BRIX1: variants seen among roughly 807,000 people sequenced by gnomAD.
BRIX1 encodes ribosome biogenesis protein BRX1 homolog.
Under a neutral mutation model 44.0 loss-of-function variants are expected in BRIX1, and 15 were observed. The ratio of observed to expected loss-of-function variants is 0.34; its 90% confidence interval spans 0.23 to 0.53. BRIX1 has a LOEUF of 0.53. BRIX1 is among the 20% of genes least tolerant of loss of function. BRIX1 has a pLI of 0.95. For synonymous variants in BRIX1, 149 were observed against 135.4 expected (o/e 1.10, Z -0.70); for missense variants, 420 against 432.8 (o/e 0.97, Z 0.26).
chr5:34,922,187 C>T (rs1170528352), intron 3 of BRIX1, 30 bp from the exon 4 acceptor site: 1 of 1,267,286 alleles, frequency 7.9e-7, no homozygotes, highest in South Asian at 1.3e-5. Flanking sequence ...ATATTATCTA[C>T]TTCATTTTCC....
intron 1 of BRIX1, 105 bp downstream of exon 1, chr5:34,916,002 G>T: frequency 7.5e-7 from 1 of 1,339,618 alleles, no homozygotes; most frequent in Non-Finnish European, 9.9e-7. Context: ...AGTAGCCCGG[G>T]TGTTAACGGT....
At position 34,923,246 on chromosome 5, in the gene BRIX1, T is replaced by G; in HGVS notation, c.663+12T>G. The G allele has an allele frequency of 6.5e-7, 1 of 1,548,402 alleles. No homozygotes were observed. The highest frequency in any genetic ancestry group is 1.4e-5 in the African/African-American group (1 of 73,534). On this transcript the variant is annotated intron_variant, in intron 8 of 9. Coordinates refer to ENST00000336767, the MANE Select transcript of BRIX1 (RefSeq NM_018321.4). The stretch of plus-strand genomic sequence containing the variant: ...TTCGGAACTTTCAGGTAAGCTTTAC[T>G]TGATTTTTAATTATACCTTTTTTTT...
At chr5:34,923,302 A>T in intron 8 of BRIX1, 68 bp downstream of exon 8, 1 of 1,258,166 alleles carries the variant, frequency 7.9e-7, no homozygotes, top group Non-Finnish European at 1.1e-6. Flanking sequence ...GTTTTGAGAC[A>T]GAGTCTCGCT....
rs1332697827 is a variant in BRIX1, at chr5:34,922,703, C to G, written c.445C>G (p.Leu149Val). ...TGTTGTAATTTTTCTAGTTCATACC[C>G]TCGCTGAACTGAAGATGACTGGAAA... is the stretch of plus-strand genomic sequence containing the variant. ...AKFLVQNIHT[L>V]AELKMTGNCL... is the part of the protein sequence containing the mutation. Residue 149 changes from leucine to valine, a missense_variant, in exon 6 of 10, where the codon CTC becomes GTC. Transcript: ENST00000336767. 1.2e-6 allele frequency: 2 copies of G among 1,613,416 alleles called. No individual in the cohort carries two copies. Among genetic ancestry groups the G allele is most frequent in the Non-Finnish European group, 1.7e-6 (2 of 1,179,582 alleles).
chr5:34,919,324 G>T (rs989272294), intron 2 of BRIX1, among the ~76,000 whole-genome samples: 1 of 149,206 alleles, frequency 6.7e-6, no homozygotes, highest in East Asian at 2.0e-4. Flanking sequence ...GAGTGGCAGC[G>T]CCATCATATG....
intron 8 of BRIX1, among the ~76,000 whole-genome samples, chr5:34,924,099 A>G (rs1007298514): frequency 3.9e-5 from 6 of 152,334 alleles, no homozygotes; most frequent in African/African-American, 4.8e-5. Context: ...AAGGCATTCA[A>G]TGGCAGCGGT....
chr5:34,922,254 T>G lies in BRIX1; in HGVS notation c.353T>G (p.Phe118Cys). 1 of 1,594,134 alleles carries G rather than the reference T, an allele frequency of 6.3e-7. No homozygotes were observed. Among genetic ancestry groups the G allele is most frequent in the African/African-American group, 1.3e-5 (1 of 74,454 alleles). The change falls in exon 4 of 10, where the codon TTT becomes TGT. Residue 118 changes from phenylalanine to cysteine, a missense_variant. By Grantham distance (205) the Phe-to-Cys change is radical. Transcript: ENST00000336767. ...EMKNCNKCIYFEAKKKQDLYM... is the reference protein window; with the variant it reads ...EMKNCNKCIYCEAKKKQDLYM... Reference sequence around the variant, plus strand: ...AAGAACTGTAATAAATGCATCTATTTTGAAGCTAAGAAAAAACAGGATCTC... The same window carrying G: ...AAGAACTGTAATAAATGCATCTATTGTGAAGCTAAGAAAAAACAGGATCTC...
intron 1 of BRIX1, 36 bp downstream of exon 1, chr5:34,915,933 G>C: frequency 6.7e-7 from 1 of 1,499,240 alleles, no homozygotes. Flanking sequence ...ACCTGCGGCG[G>C]CGGCTCTGTG....
intron 1 of BRIX1, 72 bp downstream of exon 1, chr5:34,915,969 A>C (rs1042861782): frequency 6.9e-7 from 1 of 1,446,734 alleles, no homozygotes; most frequent in Non-Finnish European, 9.1e-7. Context: ...TACTTACTTG[A>C]CTACAGCCTT....
chr5:34,917,048 T>C (rs993694421), intron 1 of BRIX1, among the ~76,000 whole-genome samples: 1 of 151,782 alleles, frequency 6.6e-6, no homozygotes, highest in Non-Finnish European at 1.5e-5. Flanking sequence ...TATAATAAGA[T>C]AAAGAATCAT....
chr5:34,924,847 A>G lies in BRIX1; in HGVS notation c.664A>G (p.Ile222Val). ...ATGAAATGTTTCCTTTTTATTAAAGATCATAGAAGAAGATGCTGCTCTTGT... is the reference window on the plus strand; with the variant it reads ...ATGAAATGTTTCCTTTTTATTAAAGGTCATAGAAGAAGATGCTGCTCTTGT... ...DNRIWFRNFQ[I>V]IEEDAALVEI... is the part of the protein sequence containing the mutation. The change falls in exon 9 of 10, where the codon ATC becomes GTC. Residue 222 changes from isoleucine to valine, a missense_variant and splice_region_variant. Coordinates refer to ENST00000336767, the MANE Select transcript of BRIX1 (RefSeq NM_018321.4). 5 of 1,595,646 alleles carry G rather than the reference A, an allele frequency of 3.1e-6. No homozygotes were observed. Among genetic ancestry groups the G allele is most frequent in the Non-Finnish European group, 4.3e-6 (5 of 1,164,122 alleles).
At chr5:34,921,543 G>A (rs1764236530) in intron 3 of BRIX1, 1 of 152,212 alleles carries the variant, frequency 6.6e-6, no homozygotes, top group Non-Finnish European at 1.5e-5. Flanking sequence ...AAGAAGATTA[G>A]TTGTGGTATG....
chr5:34,915,764 G>T lies in BRIX1; in HGVS notation c.26G>T (p.Arg9Leu), dbSNP rs371942434. 6.2e-7 allele frequency: 1 copy of T among 1,604,310 alleles called. No individual in the cohort carries two copies. The highest frequency in any genetic ancestry group is 8.5e-7 in the Non-Finnish European group (1 of 1,175,444). The change falls in exon 1 of 10, where the codon CGT becomes CTT. Residue 9 changes from arginine (R) to leucine (L), a missense_variant. Arg to Leu is a moderately radical substitution (Grantham distance 102). Transcript: ENST00000336767. ...ATGGCGGCAACCAAGAGGAAACGGC[G>T]TGGAGGCTTTGCAGTTCAGGCGAAG... MAATKRKR[R>L]GGFAVQAKKP...
intron 4 of BRIX1, 36 bp downstream of exon 4, chr5:34,922,323 T>C (rs1454231106): frequency 2.9e-5 from 38 of 1,289,806 alleles, no homozygotes; most frequent in Non-Finnish European, 4.2e-5. Context: ...TTAAACTCAT[T>C]TAAGTGGATT....
chr5:34,921,832 G>A (rs1350877247), intron 3 of BRIX1: 2 of 155,466 alleles, frequency 1.3e-5, no homozygotes, highest in Admixed American at 6.5e-5. Context: ...ATTTGAACCT[G>A]GGAGGTGGAG....
At chr5:34,920,510 T>C (rs1764216253) in intron 3 of BRIX1, 1 of 152,220 alleles carries the variant, frequency 6.6e-6, no homozygotes, top group Non-Finnish European at 1.5e-5. Flanking sequence ...CATTATTCTA[T>C]GTGCTGTAGA....
chr5:34,922,440 A>G (rs1764261436), intron 4 of BRIX1, 99 bp from the exon 5 acceptor site: 2 of 921,230 alleles, frequency 2.2e-6, no homozygotes, highest in Admixed American at 2.4e-5. Context: ...AAGAAAATTA[A>G]ATGTATAAAT....
chr5:34,920,835 T>C (rs1003969847), intron 3 of BRIX1: 1 of 152,102 alleles, frequency 6.6e-6, no homozygotes, highest in Non-Finnish European at 1.5e-5. Context: ...AGTTTTGTTT[T>C]TTTTTTTTAA....
At position 34,918,396 on chromosome 5, in the gene BRIX1, C is replaced by A; in HGVS notation, c.192C>A (p.Ile64=). ...GGAAAAATAAGGAACGGATTCTCAT[C>A]TTTTCTTCCAGAGGAATAAATTTTA... The part of the protein sequence containing the change: ...GKWKNKERIL[I]FSSRGINFRT... Residue 64 remains isoleucine, a synonymous_variant, in exon 2 of 10, where the codon ATC becomes ATA. Transcript: ENST00000336767. 6.3e-7 allele frequency: 1 copy of A among 1,589,180 alleles called. No individual in the cohort carries two copies. The highest frequency in any genetic ancestry group is 8.6e-7 in the Non-Finnish European group (1 of 1,160,692).
Sources: allele counts gnomAD v4.1 joint callset (sites outside exome capture counted in the v4.1 genomes callset), GRCh38; gene constraint gnomAD v4.1.1; transcripts MANE v1.5; gene names NCBI Gene and HGNC (gene_info 2026-07-23, HGNC 2026-07-21).